FAM234B: variants seen among roughly 807,000 people sequenced by gnomAD.
FAM234B encodes protein FAM234B.
In FAM234B, 33 loss-of-function variants were observed where a neutral mutation model predicts 69.3. The ratio of observed to expected loss-of-function variants is 0.48; its 90% CI spans 0.36 to 0.64. The LOEUF (loss-of-function observed/expected upper bound fraction) is 0.64, where lower values mean the gene tolerates loss of function less well. Ranked by LOEUF, FAM234B falls within the 30% of genes least tolerant of loss-of-function variation. The pLI, the probability that FAM234B is intolerant of heterozygous loss-of-function variation, is 0.00. For synonymous variants in FAM234B, 306 were observed against 306.9 expected, an observed-to-expected ratio of 1.00 and a Z score of 0.03; for missense variants, 697 against 769.7, an observed-to-expected ratio of 0.91 and a Z score of 1.12.
chr12:13,058,336 A>C, intron 2 of FAM234B, 115 bp from the exon 3 acceptor site: 2 of 797,216 alleles, frequency 2.5e-6, no homozygotes, highest in Non-Finnish European at 4.5e-6. Flanking sequence ...AGGTGTGTCT[A>C]CTATACCTAG....
At chr12:13,071,483 A>C in intron 10 of FAM234B, 87 bp downstream of exon 10, 1 of 1,265,894 alleles carries the variant, frequency 7.9e-7, no homozygotes. Flanking sequence ...ATGTTATTTG[A>C]CCCATCACTT....
chr12:13,059,663 G>T (rs1239791778), intron 3 of FAM234B, among the ~76,000 whole-genome samples: 1 of 152,156 alleles, frequency 6.6e-6, no homozygotes, highest in Non-Finnish European at 1.5e-5. Context: ...GTGTTTTAGA[G>T]AATTCTAAAC....
intron 10 of FAM234B, among the ~76,000 whole-genome samples, chr12:13,075,610 C>CTTTTTTTTT (rs5796522): frequency 4.1e-5 from 5 of 122,886 alleles, no homozygotes; most frequent in East Asian, 2.4e-4. Flanking sequence ...TTTTTTTTCT[C>CTTTTTTTTT]TTTTTTTTTT....
At chr12:13,050,973 A>G (rs538169152) in intron 1 of FAM234B, among the ~76,000 whole-genome samples, 23 of 152,228 alleles carry the variant, frequency 1.5e-4, no homozygotes, top group Non-Finnish European at 3.2e-4. Flanking sequence ...AGCTTTCTCA[A>G]TTGAGTACAA....
intron 11 of FAM234B, among the ~76,000 whole-genome samples, chr12:13,079,152 A>G (rs1290432707): frequency 6.6e-6 from 1 of 152,238 alleles, no homozygotes; most frequent in East Asian, 1.9e-4. Flanking sequence ...CTACAAGGCT[A>G]CAGTAACCAA....
chr12:13,065,633 G>T (rs918988623), intron 5 of FAM234B, among the ~76,000 whole-genome samples: 2 of 151,974 alleles, frequency 1.3e-5, no homozygotes, highest in African/African-American at 2.4e-5. Context: ...CCAGCCTAAG[G>T]TTTTTTTGAA....
chr12:13,064,711 C>G (rs1393956826), intron 5 of FAM234B, among the ~76,000 whole-genome samples: 1 of 152,162 alleles, frequency 6.6e-6, no homozygotes, highest in Non-Finnish European at 1.5e-5. Context: ...TGTAGAGGCA[C>G]TAGGTATATA....
rs1204718948 is a variant in FAM234B, at chr12:13,068,642, T to C, written c.1299T>C (p.Pro433=). 3.1e-6 allele frequency: 5 copies of C among 1,612,282 alleles called. No individual in the cohort carries two copies. Among genetic ancestry groups the C allele is most frequent in the Non-Finnish European group, 4.2e-6 (5 of 1,178,490 alleles). ...RLQGLRSQPT[P]GYFTDDQTLD... is the part of the protein sequence containing the mutation. The stretch of plus-strand genomic sequence containing the variant: ...TCCTTATTTGCAGCCAGCCTACTCC[T>C]GGATATTTCACTGATGATCAGACAT... Residue 433 remains proline (P), a synonymous_variant, in exon 9 of 13, where the codon CCT becomes CCC. Transcript: ENST00000197268.
rs573585478 is a variant in FAM234B at position 13,057,673 on chromosome 12, C to T, written c.434-778C>T. 2.0e-5 allele frequency among the ~76,000 whole-genome samples: 3 copies of T among 152,334 alleles called. No homozygotes were observed. The South Asian group carries it at 6.2e-4, about 32-fold the overall frequency. On this transcript the variant is annotated intron_variant, in intron 2 of 12. Transcript: ENST00000197268. ...TTTCCACTAGCAATGTGTGAATTCT[C>T]TCCAAATTTGGTGGGCATCCTCTGA...
chr12:13,055,460 G>A (rs1269660451), intron 1 of FAM234B, 91 bp from the exon 2 acceptor site: 36 of 1,283,104 alleles, frequency 2.8e-5, no homozygotes, highest in South Asian at 3.3e-5. Context: ...TTAGTTTTCC[G>A]TGTTCTTCTG....
chr12:13,076,179 G>A, intron 11 of FAM234B, 36 bp downstream of exon 11: 1 of 1,436,408 alleles, frequency 7.0e-7, no homozygotes, highest in Non-Finnish European at 9.8e-7. Context: ...TGTGTACGCA[G>A]ATGGTGGGAG....
At chr12:13,050,257 A>C (rs1864861573) in intron 1 of FAM234B, among the ~76,000 whole-genome samples, 1 of 151,884 alleles carries the variant, frequency 6.6e-6, no homozygotes, top group Admixed American at 6.6e-5. Flanking sequence ...GACCTTTTAG[A>C]GTTCTCTTCT....
intron 11 of FAM234B, among the ~76,000 whole-genome samples, chr12:13,077,832 C>T (rs2120509986): frequency 6.6e-6 from 1 of 152,190 alleles, no homozygotes; most frequent in African/African-American, 2.4e-5. Context: ...TTCTAGATCC[C>T]TGAGGAATCG....
chr12:13,062,016 T>G (rs866739182), intron 4 of FAM234B, among the ~76,000 whole-genome samples: 1 of 152,154 alleles, frequency 6.6e-6, no homozygotes, highest in South Asian at 2.1e-4. Flanking sequence ...CTGAGGCCTT[T>G]GGTGTGTAAA....
chr12:13,076,053 A>T lies in FAM234B; in HGVS notation c.1552A>T (p.Ser518Cys). Residue 518 changes from serine (S) to cysteine (C), a missense_variant, in exon 11 of 13, where the codon AGC (serine) becomes TGC (cysteine). Ser to Cys is a moderately radical substitution (Grantham distance 112, BLOSUM62 -1). Around this residue, in one of 3 missense-constraint regions of FAM234B, gnomAD observed 313 missense variants for 305.5 expected, o/e 1.02. Transcript: ENST00000197268. Reference sequence around the variant, plus strand: ...TATCATCCTAGGAACTGAGCCGCCCAGCCTTCACCACCTTTACCTCCTGCA... The same window carrying T: ...TATCATCCTAGGAACTGAGCCGCCCTGCCTTCACCACCTTTACCTCCTGCA... ...SDIILGTEPP[S>C]LHHLYLLHPA... The T allele has an allele frequency of 6.2e-7, 1 of 1,614,130 alleles. No individual in the cohort carries two copies. Among genetic ancestry groups the T allele is most frequent in the South Asian group, 1.1e-5 (1 of 91,076 alleles).
In FAM234B at chr12:13,055,719, C is replaced by G; in HGVS notation, c.206C>G (p.Ala69Gly). 6.2e-7 allele frequency: 1 copy of G among 1,614,242 alleles called. No homozygotes were observed. The highest frequency in any genetic ancestry group is 8.5e-7 in the Non-Finnish European group (1 of 1,180,034). ...GACTCAGATGCTGAGGTTGCAGAGG[C>G]TGCAAAGCCACATCTTTCAGAAGTC... ...EPDSDAEVAE[A>G]AKPHLSEVTT... The change falls in exon 2 of 13, where the codon GCT becomes GGT. Residue 69 changes from alanine to glycine, a missense_variant. This residue lies in a region of FAM234B where 380 missense variants were observed against 447.1 expected (regional missense o/e 0.85). Transcript: ENST00000197268.
At position 13,067,530 on chromosome 12, in the gene FAM234B, T is replaced by TAGGATGCAAGGAAGGATACTTAGGGCTC. The variant is rs1865053442; in HGVS notation, c.1142+235_1142+262dup. Among the ~76,000 whole-genome samples, 1 of 152,132 alleles carries TAGGATGCAAGGAAGGATACTTAGGGCTC rather than the reference T, an allele frequency of 6.6e-6. No individual in the cohort carries two copies. The highest frequency in any genetic ancestry group is 2.4e-5 in the African/African-American group (1 of 41,426). ...TGACCACATGTGATCACTCCTCAGG[T>TAGGATGCAAGGAAGGATACTTAGGGCTC]AGGATGCAAGGAAGGATACTTAGGG... On this transcript the variant is annotated intron_variant, in intron 7 of 12. Transcript: ENST00000197268. The surrounding 1 kb of genome is among the most constrained non-coding windows in gnomAD (Gnocchi z 4.7).
In FAM234B at chr12:13,055,909, G is replaced by A. The variant is rs1864926183; in HGVS notation, c.396G>A (p.Leu132=). The A allele has an allele frequency of 6.3e-7, 1 of 1,592,680 alleles. No individual in the cohort carries two copies. The highest frequency in any genetic ancestry group is 1.3e-5 in the African/African-American group (1 of 74,244). ...AFLIPCPPRD[L]HSTWSRHLGS... ...TGATCCCCTGTCCTCCCAGAGATCTGCACAGCACCTGGAGCCGCCACTTGG... is the reference window on the plus strand; with the variant it reads ...TGATCCCCTGTCCTCCCAGAGATCTACACAGCACCTGGAGCCGCCACTTGG... The change falls in exon 2 of 13, where the codon CTG becomes CTA. Residue 132 remains leucine, a synonymous_variant. Transcript: ENST00000197268.
chr12:13,071,317 C>G lies in FAM234B; in HGVS notation c.1445C>G (p.Ala482Gly). The G allele has an allele frequency of 6.2e-7, 1 of 1,614,110 alleles. No individual in the cohort carries two copies. The highest frequency in any genetic ancestry group is 1.3e-5 in the African/African-American group (1 of 75,028). Residue 482 changes from alanine (A) to glycine (G), a missense_variant, in exon 10 of 13, where the codon GCC becomes GGC. Coordinates refer to ENST00000197268, the MANE Select transcript of FAM234B (RefSeq NM_020853.2). ...RAPCHMKETP[A>G]TSAVTSDQKS... ...CCGTGTCACATGAAAGAAACGCCAG[C>G]CACCTCAGCAGTTACTTCAGACCAG... is the stretch of plus-strand genomic sequence containing the variant.
Sources: allele counts gnomAD v4.1 joint callset (sites outside exome capture counted in the v4.1 genomes callset), GRCh38; gene constraint gnomAD v4.1.1; regional missense constraint gnomAD v4.1.1; non-coding constraint Gnocchi (gnomAD v3.1); transcripts MANE v1.5; gene names NCBI Gene and HGNC (gene_info 2026-07-23, HGNC 2026-07-21).